The following ANTXR1 variants were observed in gnomAD, a reference collection of about 807,000 sequenced individuals.
ANTXR1 encodes anthrax toxin receptor 1.
ANTXR1 carries 19 observed loss-of-function variants against 78.1 expected under a neutral mutation model. That is an observed-to-expected ratio of 0.24 (90% CI 0.17 to 0.36). The LOEUF (loss-of-function observed/expected upper bound fraction) is 0.36. ANTXR1 is among the 10% of genes least tolerant of loss of function. The pLI is 1.00. For missense variants in ANTXR1, 518 were observed against 718.6 expected, an observed-to-expected ratio of 0.72 and a Z score of 3.19; for synonymous variants, 273 against 260.5, an observed-to-expected ratio of 1.05 and a Z score of -0.46.
intron 16 of ANTXR1, among the ~76,000 whole-genome samples, chr2:69,191,133 T>C (rs915675835): frequency 1.3e-5 from 2 of 152,212 alleles, no homozygotes; most frequent in Non-Finnish European, 2.9e-5. Context: ...CAGAAAACCA[T>C]GCAGCACACA....
chr2:69,058,855 G>A (rs979316145), intron 3 of ANTXR1, among the ~76,000 whole-genome samples: 10 of 152,136 alleles, frequency 6.6e-5, no homozygotes, highest in Non-Finnish European at 8.8e-5. Flanking sequence ...CCAAAATATC[G>A]ACATTAACAG....
chr2:69,135,817 G>A (rs1456284166), intron 12 of ANTXR1, among the ~76,000 whole-genome samples: 1 of 151,984 alleles, frequency 6.6e-6, no homozygotes, highest in Non-Finnish European at 1.5e-5. Context: ...GTAATTAATA[G>A]ATCAAGCAGC....
At chr2:69,212,771 C>T (rs1386559137) in intron 17 of ANTXR1, among the ~76,000 whole-genome samples, 1 of 151,976 alleles carries the variant, frequency 6.6e-6, no homozygotes, top group Non-Finnish European at 1.5e-5. Context: ...CCTACCTCTG[C>T]CTCCCAAGTA....
chr2:69,064,931 G>A (rs1670351687), intron 3 of ANTXR1, among the ~76,000 whole-genome samples: 1 of 151,762 alleles, frequency 6.6e-6, no homozygotes, highest in Non-Finnish European at 1.5e-5. Flanking sequence ...TAGAAAAGAA[G>A]AAAAGATTAA....
At chr2:69,021,590 C>A (rs568971633) in intron 1 of ANTXR1, among the ~76,000 whole-genome samples, 1 of 152,234 alleles carries the variant, frequency 6.6e-6, no homozygotes, top group East Asian at 1.9e-4. Flanking sequence ...TGAAATGCTC[C>A]AGCCAGAAGT....
At chr2:69,100,946 A>G (rs752452364) in intron 9 of ANTXR1, among the ~76,000 whole-genome samples, 27 of 152,198 alleles carry the variant, frequency 1.8e-4, no homozygotes, top group Admixed American at 9.2e-4. Context: ...CTTCATAGTC[A>G]TAGGACTTAT....
chr2:69,144,318 G>A (rs947131933), intron 12 of ANTXR1, among the ~76,000 whole-genome samples: 1 of 152,190 alleles, frequency 6.6e-6, no homozygotes, highest in Non-Finnish European at 1.5e-5. Context: ...AGTGGACATA[G>A]TTCCTTGATC....
intron 16 of ANTXR1, among the ~76,000 whole-genome samples, chr2:69,183,176 A>G (rs1362556544): frequency 2.0e-5 from 3 of 152,170 alleles, no homozygotes; most frequent in Non-Finnish European, 2.9e-5. Flanking sequence ...TTGCCATAAT[A>G]TAAGCCCATT....
intron 2 of ANTXR1, among the ~76,000 whole-genome samples, chr2:69,042,649 T>G (rs368620127): frequency 6.6e-6 from 1 of 152,186 alleles, no homozygotes; most frequent in African/African-American, 2.4e-5. Context: ...ATTTCTCTAC[T>G]AGTTTCTCAC....
chr2:69,037,971 T>C (rs963485436), intron 1 of ANTXR1, among the ~76,000 whole-genome samples: 1 of 152,140 alleles, frequency 6.6e-6, no homozygotes, highest in African/African-American at 2.4e-5. Context: ...TGCTGCACCA[T>C]GAAACCACTT....
intron 17 of ANTXR1, among the ~76,000 whole-genome samples, chr2:69,217,022 A>T (rs931887685): frequency 6.6e-6 from 1 of 152,210 alleles, no homozygotes; most frequent in African/African-American, 2.4e-5. Flanking sequence ...TGATCTGCTG[A>T]AATGCAGATA....
At chr2:69,170,824 C>T (rs973904705) in intron 14 of ANTXR1, among the ~76,000 whole-genome samples, 7 of 152,190 alleles carry the variant, frequency 4.6e-5, no homozygotes, top group African/African-American at 1.7e-4. Context: ...CCTGGCCTTC[C>T]TCTCAAATTC....
chr2:69,116,837 T>C (rs764263646), intron 10 of ANTXR1, among the ~76,000 whole-genome samples: 21 of 152,366 alleles, frequency 1.4e-4, no homozygotes, highest in Middle Eastern at 3.4e-3. Context: ...ATTTGGATTA[T>C]TTAATCCACC....
Position 69,170,847 on chromosome 2 carries a change from G to GA in ANTXR1, c.1089+565dup, listed in dbSNP as rs530095066. 3.9e-4 allele frequency among the ~76,000 whole-genome samples: 60 copies of GA among 152,240 alleles called. No homozygotes were observed. The East Asian group carries it at 8.9e-3, about 23-fold the overall frequency. ...TCCTCTCAAATTCTCGTCATCTAAAGAAAAAAATTCTTGGACTCTACCACT... is the reference window on the plus strand; with the variant it reads ...TCCTCTCAAATTCTCGTCATCTAAAGAAAAAAAATTCTTGGACTCTACCACT... On this transcript the variant is annotated intron_variant, in intron 14 of 17. Transcript: ENST00000303714.
chr2:69,135,767 TA>T (rs1465555336), intron 12 of ANTXR1, among the ~76,000 whole-genome samples: 1 of 152,110 alleles, frequency 6.6e-6, no homozygotes, highest in Non-Finnish European at 1.5e-5. Context: ...GAGAAATTGA[TA>T]AATCCACCAT....
chr2:69,054,428 T>C (rs1670013757), intron 3 of ANTXR1, among the ~76,000 whole-genome samples: 1 of 152,198 alleles, frequency 6.6e-6, no homozygotes, highest in South Asian at 2.1e-4. Context: ...ATACATTTCA[T>C]CTTCATGGGC....
chr2:69,141,939 C>T (rs896250885), intron 12 of ANTXR1, among the ~76,000 whole-genome samples: 1 of 152,182 alleles, frequency 6.6e-6, no homozygotes, highest in East Asian at 1.9e-4. Flanking sequence ...TCCCCCATGT[C>T]GTCAGTCTTA....
intron 8 of ANTXR1, among the ~76,000 whole-genome samples, chr2:69,089,286 A>G (rs775055458): frequency 2.0e-5 from 3 of 152,238 alleles, no homozygotes; most frequent in Non-Finnish European, 4.4e-5. Context: ...ACCTATTTCA[A>G]TGAATGCATC....
At position 69,198,369 on chromosome 2, in the gene ANTXR1, T is replaced by C. The variant is rs568707049; in HGVS notation, c.1434+4954T>C. Reference sequence around the variant, plus strand: ...ATTTTTTTAATGTTTATTTTCTCGTTTGTCAATTGGTTTGACTTGGCTCAT... The same window carrying C: ...ATTTTTTTAATGTTTATTTTCTCGTCTGTCAATTGGTTTGACTTGGCTCAT... On this transcript the variant is annotated intron_variant, in intron 17 of 17. Coordinates refer to ENST00000303714, the MANE Select transcript of ANTXR1 (RefSeq NM_032208.3). Among the ~76,000 whole-genome samples the C allele has an allele frequency of 2.0e-5, 3 of 152,334 alleles. No homozygotes were observed. In the East Asian group the frequency reaches 5.8e-4, roughly 29 times the overall value.
Sources: gnomAD v4.1 joint callset for allele counts (sites outside exome capture counted in the v4.1 genomes callset) on GRCh38, gnomAD v4.1.1 for gene constraint, MANE v1.5 for transcripts, NCBI Gene and HGNC (gene_info 2026-07-23, HGNC 2026-07-21) for gene names.